PCP4: variants seen among roughly 807,000 people sequenced by gnomAD.
The protein encoded by PCP4 is calmodulin regulator protein PCP4.
Under a neutral mutation model 10.0 loss-of-function variants are expected in PCP4, and 8 were observed. The ratio of observed to expected loss-of-function variants is 0.80; its 90% CI spans 0.47 to 1.45. The LOEUF is 1.45. Ranked by LOEUF, PCP4 falls within the 40% of genes most tolerant of loss-of-function variation. PCP4 has a pLI of 0.00. For synonymous variants in PCP4, 21 were observed against 23.0 expected, an observed-to-expected ratio of 0.91 and a Z score of 0.24; for missense variants, 54 against 74.4, an observed-to-expected ratio of 0.73 and a Z score of 1.01.
intron 1 of PCP4, among the ~76,000 whole-genome samples, chr21:39,884,268 C>T (rs1035481051): frequency 6.6e-6 from 1 of 151,778 alleles, no homozygotes; most frequent in African/African-American, 2.4e-5. Flanking sequence ...CAACCTCCGC[C>T]TCCCAGGTTC....
chr21:39,900,947 A>G (rs988129999), intron 2 of PCP4, among the ~76,000 whole-genome samples: 1 of 152,198 alleles, frequency 6.6e-6, no homozygotes, highest in African/African-American at 2.4e-5. Flanking sequence ...AAATAAAATA[A>G]TAAACCCACT....
chr21:39,890,894 G>A (rs1568853662), intron 1 of PCP4, among the ~76,000 whole-genome samples: 1 of 151,986 alleles, frequency 6.6e-6, no homozygotes, highest in African/African-American at 2.4e-5. Context: ...AAGTAATTGA[G>A]TTTTTTGTTT....
At chr21:39,878,784 C>T (rs1695542324) in intron 1 of PCP4, among the ~76,000 whole-genome samples, 1 of 152,086 alleles carries the variant, frequency 6.6e-6, no homozygotes, top group South Asian at 2.1e-4. Flanking sequence ...GGCTTCTTAA[C>T]CATTATATTA....
chr21:39,885,012 C>G (rs1438678729), intron 1 of PCP4, among the ~76,000 whole-genome samples: 1 of 152,172 alleles, frequency 6.6e-6, no homozygotes, highest in African/African-American at 2.4e-5. Flanking sequence ...TCAATTAAAT[C>G]TCATAGTGCG....
At chr21:39,868,914 G>A (rs183341860) in intron 1 of PCP4, among the ~76,000 whole-genome samples, 203 of 152,290 alleles carry the variant, frequency 1.3e-3, no homozygotes, top group African/African-American at 4.5e-3. Context: ...TGAAGAGAAA[G>A]AAAGAAAGGA....
At chr21:39,867,562 C>T (rs751832628) in intron 1 of PCP4, 52 bp downstream of exon 1, 6 of 1,566,200 alleles carry the variant, frequency 3.8e-6, no homozygotes, top group South Asian at 3.3e-5. Context: ...GAAGGGACCT[C>T]GGCTGAAGGA....
intron 1 of PCP4, among the ~76,000 whole-genome samples, chr21:39,889,104 G>A (rs1437271253): frequency 1.3e-5 from 2 of 152,184 alleles, no homozygotes; most frequent in Non-Finnish European, 2.9e-5. Flanking sequence ...AGGGGCCTCT[G>A]TGGGTCCAGT....
chr21:39,919,637 TTGTG>T (rs934829034), intron 2 of PCP4, among the ~76,000 whole-genome samples: 5 of 152,062 alleles, frequency 3.3e-5, no homozygotes, highest in Non-Finnish European at 5.9e-5. Context: ...ATTTACCTGT[TTGTG>T]TGGTGTGTAT....
At chr21:39,920,145 G>A (rs914964282) in intron 2 of PCP4, among the ~76,000 whole-genome samples, 4 of 145,082 alleles carry the variant, frequency 2.8e-5, no homozygotes, top group Non-Finnish European at 6.1e-5. Context: ...TGTGTGTGGT[G>A]TAGTGTGTTT....
intron 1 of PCP4, among the ~76,000 whole-genome samples, chr21:39,880,073 C>T (rs910957054): frequency 2.0e-5 from 3 of 152,066 alleles, no homozygotes; most frequent in Admixed American, 2.0e-4. Flanking sequence ...AACATAATTC[C>T]ATTATCTTTG....
At chr21:39,928,642 A>G (rs2087636173) in intron 2 of PCP4, among the ~76,000 whole-genome samples, 1 of 152,186 alleles carries the variant, frequency 6.6e-6, no homozygotes, top group African/African-American at 2.4e-5. Flanking sequence ...AGCAATATTA[A>G]ATGGTACCTC....
At chr21:39,889,714 C>A (rs546076424) in intron 1 of PCP4, among the ~76,000 whole-genome samples, 18 of 152,096 alleles carry the variant, frequency 1.2e-4, no homozygotes, top group Non-Finnish European at 2.1e-4. Flanking sequence ...CCGTGCCCAG[C>A]CTCAAACCAA....
intron 2 of PCP4, among the ~76,000 whole-genome samples, chr21:39,920,275 G>A (rs2087590266): frequency 7.8e-6 from 1 of 128,590 alleles, no homozygotes; most frequent in Non-Finnish European, 1.6e-5. Flanking sequence ...TGTGTGTGGT[G>A]TAGTGTGTGT....
At chr21:39,886,316 C>T (rs2087400490) in intron 1 of PCP4, among the ~76,000 whole-genome samples, 1 of 152,190 alleles carries the variant, frequency 6.6e-6, no homozygotes, top group Non-Finnish European at 1.5e-5. Flanking sequence ...AAGTCGTCAC[C>T]ATGAGTCTTT....
chr21:39,870,477 G>C (rs1008963126), intron 1 of PCP4, among the ~76,000 whole-genome samples: 4 of 152,122 alleles, frequency 2.6e-5, no homozygotes, highest in African/African-American at 9.7e-5. Context: ...CAGTTTACAA[G>C]GTGCATTCTT....
Position 39,928,965 on chromosome 21 carries a change from T to C in PCP4, c.62-19T>C. On this transcript the variant is annotated intron_variant, in intron 2 of 2. Coordinates refer to ENST00000328619, the MANE Select transcript of PCP4 (RefSeq NM_006198.3). ...TTCAGCTCAGTGATTGCCTTCTGTTTGTGTTTGTCTTGCTACAGATGGACA... is the reference window on the plus strand; with the variant it reads ...TTCAGCTCAGTGATTGCCTTCTGTTCGTGTTTGTCTTGCTACAGATGGACA... The C allele has an allele frequency of 2.5e-6, 4 of 1,608,428 alleles. No homozygotes were observed. Among genetic ancestry groups the C allele is most frequent in the Non-Finnish European group, 2.5e-6 (3 of 1,176,630 alleles).
intron 1 of PCP4, among the ~76,000 whole-genome samples, chr21:39,896,097 C>T (rs1290219314): frequency 1.3e-5 from 2 of 152,074 alleles, no homozygotes; most frequent in Admixed American, 6.6e-5. Flanking sequence ...TGCTTTTCTC[C>T]CCTGTGCACA....
At chr21:39,889,559 G>T (rs1485644729) in intron 1 of PCP4, among the ~76,000 whole-genome samples, 1 of 149,682 alleles carries the variant, frequency 6.7e-6, no homozygotes, top group Non-Finnish European at 1.5e-5. Flanking sequence ...TGGGACTACA[G>T]GCACCCACCA....
intron 2 of PCP4, among the ~76,000 whole-genome samples, chr21:39,926,984 C>G (rs1178209099): frequency 6.6e-6 from 1 of 152,220 alleles, no homozygotes; most frequent in African/African-American, 2.4e-5. Flanking sequence ...CTCAACATCT[C>G]TGCTTTTATG....
Sources: gnomAD v4.1 joint callset for allele counts (sites outside exome capture counted in the v4.1 genomes callset) on GRCh38, gnomAD v4.1.1 for gene constraint, MANE v1.5 for transcripts, NCBI Gene and HGNC (gene_info 2026-07-23, HGNC 2026-07-21) for gene names.